Variants in GATA6 observed in about 807,000 individuals in gnomAD.
The protein encoded by GATA6 is transcription factor GATA-6.
GATA6 carries 11 observed loss-of-function variants against 48.1 expected under a neutral mutation model. The observed-to-expected ratio is 0.23, with a 90% CI of 0.14 to 0.38. The LOEUF (loss-of-function observed/expected upper bound fraction) is 0.38. Ranked by LOEUF, GATA6 falls within the 10% of genes least tolerant of loss-of-function variation. GATA6 has a pLI of 1.00. For missense variants in GATA6, 795 were observed against 850.3 expected (o/e 0.93, Z 0.81); for synonymous variants, 419 against 396.1 (o/e 1.06, Z -0.69).
chr18:22,177,719 T>C (rs2033141249), intron 3 of GATA6, among the ~76,000 whole-genome samples: 3 of 152,124 alleles, frequency 2.0e-5, no homozygotes, highest in Admixed American at 1.3e-4. Context: ...CCACATTCTT[T>C]TGGGTGCCGT....
chr18:22,189,609 T>C (rs572958848), intron 6 of GATA6, among the ~76,000 whole-genome samples: 1 of 152,316 alleles, frequency 6.6e-6, no homozygotes, highest in South Asian at 2.1e-4. Context: ...GAGGAAAGTA[T>C]GAAGGCGAGC....
Position 22,199,900 on chromosome 18 carries a change from CAAAAAAA to C in GATA6, c.1621-739_1621-733del, listed in dbSNP as rs35638046. ...CCTGGGAGACAGTGAGACTCTGTTT[CAAAAAAA>C]AAAAAAAAAAAAAAAAGAAAGAAAT... On this transcript the variant is annotated intron_variant, in intron 6 of 6. Coordinates refer to ENST00000269216, the MANE Select transcript of GATA6 (RefSeq NM_005257.6). Among the ~76,000 whole-genome samples, 112 of 68,356 alleles carry C rather than the reference CAAAAAAA, an allele frequency of 1.6e-3. 2 individuals are homozygous for C. Among genetic ancestry groups the C allele is most frequent in the South Asian group, 5.0e-3 (8 of 1,616 alleles). 44.8% of individuals were successfully genotyped at this position (68,356 alleles called of 152,430 possible). A position where few individuals can be genotyped will look rare whatever the true frequency, so the allele number is the denominator to read the frequency against.
intron 6 of GATA6, among the ~76,000 whole-genome samples, chr18:22,192,319 A>C (rs1299602848): frequency 6.6e-6 from 1 of 152,206 alleles, no homozygotes; most frequent in East Asian, 1.9e-4. Context: ...TTTAAGAAGA[A>C]TAGCACTACT....
At chr18:22,197,302 C>T (rs527985966) in intron 6 of GATA6, among the ~76,000 whole-genome samples, 7 of 152,254 alleles carry the variant, frequency 4.6e-5, no homozygotes, top group East Asian at 3.9e-4. Flanking sequence ...CCACCTGCCT[C>T]GGCCTCTCTA....
In GATA6 at chr18:22,171,505, GC is replaced by G; in HGVS notation, c.363del (p.Ala122ArgfsTer15). 1 of 1,602,794 alleles carries G rather than the reference GC, an allele frequency of 6.2e-7. No individual in the cohort carries two copies. The highest frequency in any genetic ancestry group is 8.5e-7 in the Non-Finnish European group (1 of 1,179,612). On this transcript the variant is annotated frameshift_variant, in exon 2 of 7. Transcript: ENST00000269216. LOFTEE classifies it high-confidence loss of function. This position sits in a 1 kb window ranked among gnomAD's most constrained non-coding sequence, Gnocchi z 7.1. ...DLLLFTDLDQ[A>X]ATASKLLWSS... ...GCTGCTGTTCACTGACCTCGACCAAGCCGCGACCGCCAGCAAGCTGCTGTGG... is the reference window on the plus strand; with the variant it reads ...GCTGCTGTTCACTGACCTCGACCAAGCGCGACCGCCAGCAAGCTGCTGTGG...
chr18:22,199,900 CAAAAAAAAA>C (rs35638046), intron 6 of GATA6, among the ~76,000 whole-genome samples: 1 of 68,356 alleles, frequency 1.5e-5, no homozygotes, highest in Non-Finnish European at 3.0e-5. Flanking sequence ...GACTCTGTTT[CAAAAAAAAA>C]AAAAAAAAAA....
intron 6 of GATA6, among the ~76,000 whole-genome samples, chr18:22,197,404 C>A (rs371033062): frequency 2.3e-4 from 35 of 152,122 alleles, no homozygotes; most frequent in African/African-American, 6.8e-4. Context: ...TCTTTTTATC[C>A]CACTTTATAG....
chr18:22,195,814 A>G (rs760876568), intron 6 of GATA6, among the ~76,000 whole-genome samples: 9 of 152,174 alleles, frequency 5.9e-5, no homozygotes, highest in Non-Finnish European at 1.3e-4. Flanking sequence ...CATTGAGCGG[A>G]TGTGCCCTGC....
intron 3 of GATA6, among the ~76,000 whole-genome samples, chr18:22,178,045 T>C (rs2033148869): frequency 7.7e-6 from 1 of 129,748 alleles, no homozygotes. Context: ...CACCGCAGCC[T>C]CCGCCTCCAG....
chr18:22,179,711 AG>A (rs1371739963), intron 3 of GATA6, among the ~76,000 whole-genome samples: 2 of 152,198 alleles, frequency 1.3e-5, no homozygotes, highest in Non-Finnish European at 2.9e-5. Context: ...GGATGTGTAA[AG>A]TTTTGTTAAT....
intron 6 of GATA6, among the ~76,000 whole-genome samples, chr18:22,191,503 C>T (rs1039237746): frequency 5.9e-5 from 9 of 152,142 alleles, no homozygotes; most frequent in African/African-American, 1.2e-4. Context: ...TCGAAGAAAA[C>T]GAATTCCTTT....
rs1327601617 is a variant in GATA6 at position 22,202,135 on chromosome 18, C to T, written c.*1312C>T. On this transcript the variant is annotated 3_prime_UTR_variant, in exon 7 of 7. Coordinates refer to ENST00000269216, the MANE Select transcript of GATA6 (RefSeq NM_005257.6). Reference sequence around the variant, plus strand: ...TGGAGCCGTTTTGTACCTTTTATACCTTGGCTTATTTGAAGTTGACACATG... The same window carrying T: ...TGGAGCCGTTTTGTACCTTTTATACTTTGGCTTATTTGAAGTTGACACATG... 2 of 152,024 alleles carry T rather than the reference C, an allele frequency of 1.3e-5. No homozygotes were observed. Among genetic ancestry groups the T allele is most frequent in the African/African-American group, 4.8e-5 (2 of 41,386 alleles). The allele number at this position is 152,024 out of a possible 1,614,324, so 9.4% of individuals were successfully genotyped here.
At chr18:22,183,579 G>A (rs922529749) in intron 6 of GATA6, among the ~76,000 whole-genome samples, 2 of 152,098 alleles carry the variant, frequency 1.3e-5, no homozygotes, top group Non-Finnish European at 2.9e-5. Context: ...GTTCTTGCTG[G>A]GAGAGCTTGC....
In GATA6 at chr18:22,171,791, C is replaced by T; in HGVS notation, c.647C>T (p.Ala216Val). 1 of 1,304,502 alleles carries T rather than the reference C, an allele frequency of 7.7e-7. No homozygotes were observed. The highest frequency in any genetic ancestry group is 9.7e-7 in the Non-Finnish European group (1 of 1,034,850). The allele number at this position is 1,304,502 out of a possible 1,614,324, so 80.8% of individuals were successfully genotyped here. Residue 216 changes from alanine to valine, a missense_variant, in exon 2 of 7, where the codon GCG (alanine) becomes GTG (valine). Transcript: ENST00000269216. The surrounding 1 kb of genome is among the most constrained non-coding windows in gnomAD (Gnocchi z 7.1). Reference protein sequence around the residue: ...QGSGSGPANHAGGAGAHPGWP... With the variant: ...QGSGSGPANHVGGAGAHPGWP... ...TCGGGCAGTGGGCCAGCCAACCACG[C>T]GGGCGGCGCGGGCGCGCACCCCGGC... is the stretch of plus-strand genomic sequence containing the variant.
At position 22,172,303 on chromosome 18, in the gene GATA6, G is replaced by A. The variant is rs1446200081; in HGVS notation, c.1135+24G>A. The A allele has an allele frequency of 5.9e-6, 9 of 1,529,916 alleles. No homozygotes were observed. The highest frequency in any genetic ancestry group is 7.9e-6 in the Non-Finnish European group (9 of 1,144,322). The allele number at this position is 1,529,916 out of a possible 1,614,324, so 94.8% of individuals were successfully genotyped here. On this transcript the variant is annotated intron_variant, in intron 2 of 6. Transcript: ENST00000269216. The surrounding 1 kb of genome is among the most constrained non-coding windows in gnomAD (Gnocchi z 5.2). Reference sequence around the variant, plus strand: ...AGGTAAGGGTCGCGCCTCAGGTTCGGGGTGCGGGTCCAAAGCGCTGGGGCG... The same window carrying A: ...AGGTAAGGGTCGCGCCTCAGGTTCGAGGTGCGGGTCCAAAGCGCTGGGGCG...
intron 6 of GATA6, among the ~76,000 whole-genome samples, chr18:22,194,467 G>C (rs1568007126): frequency 6.6e-6 from 1 of 152,216 alleles, no homozygotes; most frequent in Non-Finnish European, 1.5e-5. Flanking sequence ...GAGGATGGTT[G>C]AGCTGTGGGC....
intron 3 of GATA6, among the ~76,000 whole-genome samples, chr18:22,179,120 G>A (rs2033163422): frequency 6.6e-6 from 1 of 152,196 alleles, no homozygotes; most frequent in African/African-American, 2.4e-5. Context: ...TTTGTGCTTA[G>A]CAGGTGTCTT....
At chr18:22,183,725 A>G (rs1252812995) in intron 6 of GATA6, among the ~76,000 whole-genome samples, 1 of 152,202 alleles carries the variant, frequency 6.6e-6, no homozygotes, top group Non-Finnish European at 1.5e-5. Flanking sequence ...TAAAGCTGTG[A>G]CCAAAACTCA....
At chr18:22,186,656 C>G (rs2033265682) in intron 6 of GATA6, among the ~76,000 whole-genome samples, 1 of 152,202 alleles carries the variant, frequency 6.6e-6, no homozygotes, top group African/African-American at 2.4e-5. Flanking sequence ...TTGTCTGCTT[C>G]TGGGAGAGGG....
Sources: allele counts gnomAD v4.1 joint callset (sites outside exome capture counted in the v4.1 genomes callset), GRCh38; gene constraint gnomAD v4.1.1; non-coding constraint Gnocchi (gnomAD v3.1); transcripts MANE v1.5; gene names NCBI Gene and HGNC (gene_info 2026-07-23, HGNC 2026-07-21).